MYO3B: variants seen among roughly 807,000 people sequenced by gnomAD.
MYO3B encodes myosin-IIIb.
MYO3B carries 156 observed loss-of-function variants against 174.6 expected under a neutral mutation model. The observed-to-expected ratio is 0.89, with a 90% CI of 0.78 to 1.02. The LOEUF (loss-of-function observed/expected upper bound fraction) is 1.02, where lower values mean the gene tolerates loss of function less well. MYO3B is among the 50% of genes least tolerant of loss of function. The probability of loss-of-function intolerance (pLI) is 0.00; values close to 1 mark genes in which losing one functional copy is unlikely to be tolerated. For missense variants in MYO3B, 1,632 were observed against 1,639.4 expected (o/e 1.00, Z 0.08); for synonymous variants, 563 against 569.1 (o/e 0.99, Z 0.15).
In MYO3B at chr2:170,459,081, G is replaced by C. The variant is rs571275497; in HGVS notation, c.2731-4287G>C. Among the ~76,000 whole-genome samples the C allele has an allele frequency of 1.3e-3, 202 of 152,240 alleles. 1 individual carries two copies. Among genetic ancestry groups the C allele is most frequent in the African/African-American group, 4.7e-3 (196 of 41,558 alleles). ...TTCAGGAGTGAAGCTGCAGACCTTT[G>C]CAGTGAGTGTTACAGCTCATAAAGG... On this transcript the variant is annotated intron_variant, in intron 23 of 34. Transcript: ENST00000408978.
chr2:170,525,389 A>G (rs992279132), intron 30 of MYO3B, among the ~76,000 whole-genome samples: 1 of 152,194 alleles, frequency 6.6e-6, no homozygotes, highest in Non-Finnish European at 1.5e-5. Flanking sequence ...ATGCTGATAA[A>G]TACAATGGTG....
At chr2:170,189,965 T>C (rs769059972) in intron 1 of MYO3B, among the ~76,000 whole-genome samples, 9 of 152,204 alleles carry the variant, frequency 5.9e-5, no homozygotes, top group Admixed American at 2.6e-4. Context: ...TTGTTTGTAC[T>C]TGTCTTTTTA....
At chr2:170,196,271 C>G (rs1412564190) in intron 1 of MYO3B, among the ~76,000 whole-genome samples, 9 of 152,160 alleles carry the variant, frequency 5.9e-5, no homozygotes, top group African/African-American at 1.7e-4. Context: ...CTTTGGGAAG[C>G]TGAGTCAGGA....
chr2:170,526,813 A>G (rs922542390), intron 30 of MYO3B, among the ~76,000 whole-genome samples: 1 of 152,344 alleles, frequency 6.6e-6, no homozygotes, highest in Non-Finnish European at 1.5e-5. Context: ...ATGGCCGTAC[A>G]TAAATATTTA....
At chr2:170,360,424 G>A (rs1464329356) in intron 8 of MYO3B, among the ~76,000 whole-genome samples, 1 of 152,122 alleles carries the variant, frequency 6.6e-6, no homozygotes, top group Admixed American at 6.5e-5. Context: ...CTTTGCTTTT[G>A]CTGAATTGCC....
intron 8 of MYO3B, chr2:170,344,554 C>T (rs1388148334): frequency 6.6e-6 from 1 of 152,052 alleles, no homozygotes; most frequent in Admixed American, 6.6e-5. Context: ...ATCACATGGC[C>T]ACACCTAGCT....
chr2:170,191,772 T>C (rs1195551433), intron 1 of MYO3B, among the ~76,000 whole-genome samples: 2 of 152,198 alleles, frequency 1.3e-5, no homozygotes, highest in East Asian at 1.9e-4. Context: ...CTTTCAGTAA[T>C]ATGAAGTTAA....
At chr2:170,462,048 C>T (rs1301960619) in intron 23 of MYO3B, among the ~76,000 whole-genome samples, 4 of 152,190 alleles carry the variant, frequency 2.6e-5, no homozygotes, top group Non-Finnish European at 4.4e-5. Flanking sequence ...CTGGTGACAG[C>T]GGAGAGAGTA....
intron 32 of MYO3B, among the ~76,000 whole-genome samples, chr2:170,581,291 T>C (rs1410732300): frequency 6.6e-6 from 1 of 152,260 alleles, no homozygotes; most frequent in African/African-American, 2.4e-5. Flanking sequence ...TCTCATGTGT[T>C]ACTTTTTGGT....
intron 7 of MYO3B, among the ~76,000 whole-genome samples, chr2:170,314,525 C>G (rs1313214767): frequency 6.6e-6 from 1 of 152,144 alleles, no homozygotes; most frequent in East Asian, 1.9e-4. Context: ...TTCATTAGAT[C>G]TTTAATTGTT....
At chr2:170,610,014 G>A (rs1695037638) in intron 32 of MYO3B, among the ~76,000 whole-genome samples, 2 of 152,214 alleles carry the variant, frequency 1.3e-5, no homozygotes, top group South Asian at 4.1e-4. Context: ...ATGTTAGACA[G>A]GTCAAACAAC....
rs1378625583 is a variant in MYO3B, at chr2:170,201,892, TCA to T, written c.321+1609_321+1610del. On this transcript the variant is annotated intron_variant, in intron 3 of 34. Coordinates refer to ENST00000408978, the MANE Select transcript of MYO3B (RefSeq NM_138995.5). ...ATGGAAGTACAGTGACCAAGAAACC[TCA>T]GTTTCTGCTTATTTTTAACTCCTGA... 2.0e-5 allele frequency among the ~76,000 whole-genome samples: 3 copies of T among 152,182 alleles called. 1 individual carries two copies. The highest frequency in any genetic ancestry group is 2.9e-5 in the Non-Finnish European group (2 of 68,030).
chr2:170,232,240 C>G (rs1314126684), intron 6 of MYO3B, among the ~76,000 whole-genome samples: 1 of 152,158 alleles, frequency 6.6e-6, no homozygotes, highest in African/African-American at 2.4e-5. Flanking sequence ...GAATGTTGAG[C>G]TAAAGAGAAT....
At chr2:170,212,309 A>T (rs2105361121) in intron 3 of MYO3B, among the ~76,000 whole-genome samples, 1 of 151,686 alleles carries the variant, frequency 6.6e-6, no homozygotes, top group Admixed American at 6.6e-5. Context: ...TTTCTCCAAC[A>T]GGGAGAGAAA....
intron 32 of MYO3B, among the ~76,000 whole-genome samples, chr2:170,635,050 G>A (rs1697346894): frequency 2.6e-5 from 4 of 152,222 alleles, no homozygotes; most frequent in Admixed American, 2.6e-4. Context: ...GGAAGACAGT[G>A]TGGCGATTCC....
At chr2:170,283,417 T>A (rs2093529090) in intron 7 of MYO3B, among the ~76,000 whole-genome samples, 1 of 152,222 alleles carries the variant, frequency 6.6e-6, no homozygotes, top group African/African-American at 2.4e-5. Flanking sequence ...TATGTTCTAT[T>A]TAAAGTGTGA....
At position 170,284,392 on chromosome 2, in the gene MYO3B, T is replaced by C. The variant is rs552207702; in HGVS notation, c.749+48256T>C. Among the ~76,000 whole-genome samples the C allele has an allele frequency of 2.6e-5, 4 of 152,248 alleles. No homozygotes were observed. In the East Asian group the frequency reaches 7.7e-4, roughly 29 times the overall value. Reference sequence around the variant, plus strand: ...TACCAAAAGCAGCAGTCTCTCATGGTTCAGCTCAATACATGTCAGTATGAC... The same window carrying C: ...TACCAAAAGCAGCAGTCTCTCATGGCTCAGCTCAATACATGTCAGTATGAC... On this transcript the variant is annotated intron_variant, in intron 7 of 34. Transcript: ENST00000408978.
intron 21 of MYO3B, among the ~76,000 whole-genome samples, chr2:170,406,792 T>A (rs532070288): frequency 6.6e-6 from 1 of 152,194 alleles, no homozygotes; most frequent in African/African-American, 2.4e-5. Flanking sequence ...TCAAAGCTTA[T>A]TTGTAGAGAA....
intron 7 of MYO3B, among the ~76,000 whole-genome samples, chr2:170,325,906 C>T (rs949509018): frequency 8.5e-5 from 13 of 152,212 alleles, no homozygotes; most frequent in South Asian, 8.3e-4. Context: ...TATTTTGGAC[C>T]TTATCTGCTG....
Sources: gnomAD v4.1 joint callset for allele counts (sites outside exome capture counted in the v4.1 genomes callset) on GRCh38, gnomAD v4.1.1 for gene constraint, MANE v1.5 for transcripts, NCBI Gene and HGNC (gene_info 2026-07-23, HGNC 2026-07-21) for gene names.